The following ARHGAP15 variants were observed in gnomAD, a reference collection of about 807,000 sequenced individuals.
ARHGAP15 encodes rho GTPase-activating protein 15.
A neutral mutation model predicts 63.7 loss-of-function variants in ARHGAP15; 51 were observed. The observed-to-expected ratio is 0.80, with a 90% confidence interval of 0.64 to 1.01. ARHGAP15 has a LOEUF of 1.01. Among genes scored for constraint, ARHGAP15 ranks in the 50% least tolerant of loss-of-function variants. The pLI, the probability that ARHGAP15 is intolerant of heterozygous loss-of-function variation, is 0.00. For synonymous variants in ARHGAP15, 191 were observed against 193.8 expected, an observed-to-expected ratio of 0.99 and a Z score of 0.12; for missense variants, 560 against 564.6, an observed-to-expected ratio of 0.99 and a Z score of 0.08.
At chr2:143,343,518 C>A (rs1012371106) in intron 6 of ARHGAP15, among the ~76,000 whole-genome samples, 5 of 152,094 alleles carry the variant, frequency 3.3e-5, no homozygotes, top group Non-Finnish European at 5.9e-5. Context: ...GGGCTTTCTG[C>A]AGGGCAGTGG....
chr2:143,663,635 G>T (rs1466473318), intron 12 of ARHGAP15, among the ~76,000 whole-genome samples: 1 of 152,086 alleles, frequency 6.6e-6, no homozygotes, highest in Non-Finnish European at 1.5e-5. Flanking sequence ...TGGATAAAGA[G>T]TCAAGACCCA....
chr2:143,554,951 T>G (rs1452092364), intron 10 of ARHGAP15, among the ~76,000 whole-genome samples: 1 of 152,148 alleles, frequency 6.6e-6, no homozygotes, highest in Non-Finnish European at 1.5e-5. Flanking sequence ...TCCTCACAAT[T>G]TATAGTTCTC....
intron 6 of ARHGAP15, among the ~76,000 whole-genome samples, chr2:143,268,974 A>G (rs1444317519): frequency 6.6e-6 from 1 of 152,172 alleles, no homozygotes; most frequent in African/African-American, 2.4e-5. Flanking sequence ...AAATTTAGAC[A>G]TCTTAGATTC....
intron 2 of ARHGAP15, among the ~76,000 whole-genome samples, chr2:143,197,642 G>A (rs73962373): frequency 0.014 from 2,162 of 152,036 alleles, 70 homozygotes; most frequent in African/African-American, 0.049. Flanking sequence ...CTGATTTGGA[G>A]TGATCACATA....
chr2:143,243,442 T>C (rs1574142555), intron 5 of ARHGAP15, among the ~76,000 whole-genome samples: 3 of 152,160 alleles, frequency 2.0e-5, no homozygotes, highest in Admixed American at 1.3e-4. Context: ...TTAAGTATTT[T>C]AAAAATCAGT....
At chr2:143,510,336 C>T (rs946073582) in intron 9 of ARHGAP15, among the ~76,000 whole-genome samples, 1 of 152,064 alleles carries the variant, frequency 6.6e-6, no homozygotes, top group African/African-American at 2.4e-5. Flanking sequence ...TCTCTCCCCA[C>T]CCATTATTTT....
chr2:143,680,241 G>T (rs537442470), intron 12 of ARHGAP15, among the ~76,000 whole-genome samples: 1 of 152,116 alleles, frequency 6.6e-6, no homozygotes, highest in Admixed American at 6.6e-5. Flanking sequence ...TTGAAAAATT[G>T]TTCTGCATTT....
At chr2:143,625,166 G>A (rs749479183) in intron 12 of ARHGAP15, among the ~76,000 whole-genome samples, 30 of 152,078 alleles carry the variant, frequency 2.0e-4, no homozygotes, top group Middle Eastern at 3.2e-3. Flanking sequence ...AACCTTGCAA[G>A]CCTGGCAGGA....
chr2:143,165,978 G>GAAAGAAAT (rs1553442844), intron 2 of ARHGAP15, among the ~76,000 whole-genome samples: 2 of 116,208 alleles, frequency 1.7e-5, no homozygotes, highest in Non-Finnish European at 3.6e-5. Flanking sequence ...AAGAAAGAAA[G>GAAAGAAAT]AAAGAAAGAA....
At chr2:143,699,621 G>A (rs1358861251) in intron 12 of ARHGAP15, among the ~76,000 whole-genome samples, 1 of 152,172 alleles carries the variant, frequency 6.6e-6, no homozygotes, top group Non-Finnish European at 1.5e-5. Flanking sequence ...TATTTAGGTT[G>A]TTGTGTAATG....
intron 11 of ARHGAP15, among the ~76,000 whole-genome samples, chr2:143,572,888 T>C (rs1189468981): frequency 1.3e-5 from 2 of 152,098 alleles, no homozygotes; most frequent in Admixed American, 6.6e-5. Flanking sequence ...TTGAGAACCA[T>C]GCAAAGCACT....
At chr2:143,256,332 T>G (rs1308534642) in intron 6 of ARHGAP15, among the ~76,000 whole-genome samples, 1 of 152,162 alleles carries the variant, frequency 6.6e-6, no homozygotes, top group Non-Finnish European at 1.5e-5. Flanking sequence ...TCTGCTCTAC[T>G]TCTGGTCTTT....
chr2:143,213,077 G>A (rs1213949669), intron 3 of ARHGAP15, among the ~76,000 whole-genome samples: 1 of 152,166 alleles, frequency 6.6e-6, no homozygotes, highest in Non-Finnish European at 1.5e-5. Flanking sequence ...ACTCCCAGGA[G>A]TTTAAGCCTC....
chr2:143,480,976 A>G (rs969649030), intron 8 of ARHGAP15, among the ~76,000 whole-genome samples: 1 of 152,234 alleles, frequency 6.6e-6, no homozygotes, highest in African/African-American at 2.4e-5. Flanking sequence ...GGTAATTCCA[A>G]TACAAGAAGT....
chr2:143,147,746 A>AT (rs1359069518), intron 1 of ARHGAP15, among the ~76,000 whole-genome samples: 1 of 152,020 alleles, frequency 6.6e-6, no homozygotes, highest in Non-Finnish European at 1.5e-5. Flanking sequence ...AGCATTGAAC[A>AT]TGTACCTAGA....
At chr2:143,758,292 A>G (rs1195086089) in intron 13 of ARHGAP15, among the ~76,000 whole-genome samples, 1 of 151,422 alleles carries the variant, frequency 6.6e-6, no homozygotes, top group Non-Finnish European at 1.5e-5. Flanking sequence ...ATATATATAT[A>G]AATATATATA....
At chr2:143,239,300 T>A (rs1693770254) in intron 5 of ARHGAP15, among the ~76,000 whole-genome samples, 1 of 152,222 alleles carries the variant, frequency 6.6e-6, no homozygotes, top group Non-Finnish European at 1.5e-5. Context: ...ATTTTTTGTG[T>A]GCAATGAAAA....
chr2:143,232,666 T>C (rs1388251958), intron 5 of ARHGAP15, among the ~76,000 whole-genome samples: 1 of 152,192 alleles, frequency 6.6e-6, no homozygotes, highest in African/African-American at 2.4e-5. Context: ...CCCTATCAGT[T>C]GTCCCTTTGT....
intron 6 of ARHGAP15, among the ~76,000 whole-genome samples, chr2:143,413,971 G>GCACGCGCGCGCGCGCA (rs147891307): frequency 6.8e-6 from 1 of 147,732 alleles, no homozygotes; most frequent in Admixed American, 6.8e-5. Flanking sequence ...GTGTGTGCGC[G>GCACGCGCGCGCGCGCA]CTCTCTGGCA....
Sources: allele counts gnomAD v4.1 joint callset (sites outside exome capture counted in the v4.1 genomes callset), GRCh38; gene constraint gnomAD v4.1.1; transcripts MANE v1.5; gene names NCBI Gene and HGNC (gene_info 2026-07-23, HGNC 2026-07-21).